Variants in NBPF8 observed in about 807,000 individuals in gnomAD.
NBPF8 encodes the protein NBPF member 8.
chr1:120,434,971 C>T (rs1295445177), upstream of NBPF8, among the ~76,000 whole-genome samples: 1 of 62,828 alleles, frequency 1.6e-5, no homozygotes, highest in Non-Finnish European at 2.9e-5. Flanking sequence ...TAATTATTTG[C>T]TATATAATAC....
exon 13 of NBPF8, chr1:120,452,153 G>C: frequency 1.2e-6 from 2 of 1,605,076 alleles, no homozygotes; most frequent in South Asian, 2.2e-5. Flanking sequence ...AGGAACGAGA[G>C]CTGACCCAGT....
chr1:120,423,008 C>T (rs2101478240), intron 1 of NBPF8, among the ~76,000 whole-genome samples: 1 of 85,670 alleles, frequency 1.2e-5, no homozygotes, highest in Non-Finnish European at 2.2e-5. Context: ...CAGAATTCTT[C>T]ATATATTTTG....
In NBPF8 at chr1:120,452,246, G is replaced by A. The variant is rs1553248998; in HGVS notation, n.2204G>A. On this transcript the variant is annotated non_coding_transcript_exon_variant, in exon 13 of 25. Transcript: ENST00000583271. ...AGGCCCTCCTCACTCCGGATGAGCC[G>A]GACAAGTCCCAGGGGCAGGACCTCC... 85 of 1,280,498 alleles carry A rather than the reference G, an allele frequency of 6.6e-5. No individual in the cohort carries two copies. The South Asian group carries it at 7.5e-4, about 11-fold the overall frequency. 79.3% of individuals were successfully genotyped at this position (1,280,498 alleles called of 1,614,324 possible). A position where few individuals can be genotyped will look rare whatever the true frequency, so the allele number is the denominator to read the frequency against.
upstream of NBPF8, among the ~76,000 whole-genome samples, chr1:120,417,910 T>C (rs1553245461): frequency 1.8e-5 from 2 of 112,214 alleles, no homozygotes; most frequent in Admixed American, 9.2e-5. Flanking sequence ...TGTGATTCAC[T>C]TTTTACTACA....
In NBPF8 at chr1:120,461,219, C is replaced by T; in HGVS notation, n.2837-35C>T. ...TGGGGCTGTGTGGTTTCTGATTCCC[C>T]ATGGCTTATTCTTTACTTTTTCCCA... On this transcript the variant is annotated intron_variant and non_coding_transcript_variant, in intron 18 of 24. Coordinates refer to ENST00000583271, the Ensembl canonical transcript of NBPF8. 2 of 613,954 alleles carry T rather than the reference C, an allele frequency of 3.3e-6. 1 individual carries two copies. Among genetic ancestry groups the T allele is most frequent in the Admixed American group, 4.5e-5 (2 of 44,078 alleles). 38.0% of individuals were successfully genotyped at this position (613,954 alleles called of 1,614,324 possible). A position where few individuals can be genotyped will look rare whatever the true frequency, so the allele number is the denominator to read the frequency against.
At chr1:120,449,919 A>T (rs1553248544) in intron 11 of NBPF8, among the ~76,000 whole-genome samples, 1 of 152,154 alleles carries the variant, frequency 6.6e-6, no homozygotes, top group African/African-American at 2.4e-5. Flanking sequence ...GCTGTCTATA[A>T]GTGACAGCAT....
upstream of NBPF8, among the ~76,000 whole-genome samples, chr1:120,418,544 C>T (rs1444750929): frequency 1.3e-5 from 2 of 151,696 alleles, no homozygotes; most frequent in African/African-American, 2.4e-5. Context: ...TTTAGGACTA[C>T]ATCGAACAAT....
downstream of NBPF8, chr1:120,467,787 T>C: frequency 6.6e-6 from 1 of 152,336 alleles, no homozygotes; most frequent in Middle Eastern, 3.4e-3. Context: ...TAATATTTGA[T>C]TATGCTGATT....
At chr1:120,464,739 A>T (rs1414598506) in intron 23 of NBPF8, among the ~76,000 whole-genome samples, 191 bp downstream of exon 21, 1 of 141,078 alleles carries the variant, frequency 7.1e-6, no homozygotes, top group Admixed American at 7.1e-5. Flanking sequence ...AGTGAGCAAG[A>T]CTCTCTTCCT....
intron 16 of NBPF8, among the ~76,000 whole-genome samples, chr1:120,456,638 AT>A (rs1661444372): frequency 2.2e-5 from 3 of 138,148 alleles, no homozygotes; most frequent in Admixed American, 2.1e-4. Flanking sequence ...CCATCCCTTT[AT>A]TTTGAGCCTA....
chr1:120,469,035 G>A (rs1186185005), downstream of NBPF8, among the ~76,000 whole-genome samples: 20 of 150,896 alleles, frequency 1.3e-4, no homozygotes, highest in African/African-American at 4.6e-4. Flanking sequence ...ATCATCCTAG[G>A]TGGACTTGCT....
upstream of NBPF8, chr1:120,432,554 C>CAT (rs1660909533): frequency 6.6e-6 from 1 of 150,866 alleles, no homozygotes; most frequent in Non-Finnish European, 1.5e-5. Context: ...AAAGTACAAA[C>CAT]ATACATGGTA....
chr1:120,461,407 C>T lies in NBPF8; in HGVS notation n.2990C>T, dbSNP rs1348555372. The T allele has an allele frequency of 5.5e-5, 52 of 938,488 alleles. 11 individuals carry two copies. Among genetic ancestry groups the T allele is most frequent in the Non-Finnish European group, 7.6e-5 (49 of 646,540 alleles). 58.1% of individuals were successfully genotyped at this position (938,488 alleles called of 1,614,324 possible). On this transcript the variant is annotated non_coding_transcript_exon_variant, in exon 19 of 25. Coordinates refer to ENST00000583271, the Ensembl canonical transcript of NBPF8. The stretch of plus-strand genomic sequence containing the variant: ...ACATATTGGAGCAACAGCGTGTTGG[C>T]TTGGCTGTTGACATGGATGGTGAGT...
intron 17 of NBPF8, among the ~76,000 whole-genome samples, chr1:120,459,775 A>C (rs1661525978): frequency 6.6e-6 from 1 of 152,204 alleles, no homozygotes; most frequent in East Asian, 1.9e-4. Flanking sequence ...GACTGTCACG[A>C]TATTGAACTC....
chr1:120,419,617 C>A (rs1186903987), upstream of NBPF8, among the ~76,000 whole-genome samples: 1 of 151,768 alleles, frequency 6.6e-6, no homozygotes, highest in Non-Finnish European at 1.5e-5. Flanking sequence ...TGCCACCATG[C>A]TGGGCCAATT....
At chr1:120,456,369 A>C (rs1366872457) in intron 16 of NBPF8, among the ~76,000 whole-genome samples, 1 of 149,628 alleles carries the variant, frequency 6.7e-6, no homozygotes, top group African/African-American at 2.5e-5. Flanking sequence ...CTGGGGTGTT[A>C]AAGTCTCCCA....
At chr1:120,436,386 G>C in exon 1 of NBPF8, 10 of 1,467,908 alleles carry the variant, frequency 6.8e-6, no homozygotes, top group East Asian at 2.4e-5. Flanking sequence ...TTTCACAACA[G>C]TAAGGTAAGA....
intron 1 of NBPF8, 125 bp downstream of exon 4, chr1:120,436,822 G>T: frequency 3.4e-6 from 2 of 594,594 alleles, no homozygotes; most frequent in South Asian, 3.8e-5. Flanking sequence ...AAACAGAAAT[G>T]GGTATTTTAA....
intron 22 of NBPF8, 125 bp from the exon 21 acceptor site, chr1:120,464,251 C>T (rs2101700777): frequency 3.3e-6 from 2 of 602,140 alleles, no homozygotes; most frequent in East Asian, 2.8e-5. Context: ...TAATTTGTTA[C>T]CTCATTAATG....
Sources: gnomAD v4.1 joint callset for allele counts (sites outside exome capture counted in the v4.1 genomes callset) on GRCh38, gnomAD v4.1.1 for gene constraint, MANE v1.5 for transcripts, NCBI Gene and HGNC (gene_info 2026-07-23, HGNC 2026-07-21) for gene names.